LRBA: variants seen among roughly 807,000 people sequenced by gnomAD.
LRBA encodes lipopolysaccharide-responsive and beige-like anchor protein.
A neutral mutation model predicts 330.0 loss-of-function variants in LRBA; 176 were observed. That is an observed-to-expected ratio of 0.53 (90% CI 0.47 to 0.60). The LOEUF (loss-of-function observed/expected upper bound fraction) is 0.60. Ranked by LOEUF, LRBA falls within the 20% of genes least tolerant of loss-of-function variation. LRBA has a pLI of 0.00. For synonymous variants in LRBA, 1,230 were observed against 1,193.0 expected (o/e 1.03, Z -0.64); for missense variants, 3,259 against 3,444.8 (o/e 0.95, Z 1.35).
At chr4:150,814,652 T>C (rs1286602434) in intron 31 of LRBA, among the ~76,000 whole-genome samples, 1 of 147,014 alleles carries the variant, frequency 6.8e-6, no homozygotes, top group Non-Finnish European at 1.5e-5. Context: ...TGGGGGGGGC[T>C]AAGGAGGGGA....
At position 150,503,732 on chromosome 4, in the gene LRBA, G is replaced by C. The variant is rs1458629248; in HGVS notation, c.6331-12697C>G. Among the ~76,000 whole-genome samples, 4 of 152,192 alleles carry C rather than the reference G, an allele frequency of 2.6e-5. No individual in the cohort carries two copies. The East Asian group carries it at 7.7e-4, about 29-fold the overall frequency. ...AGCTCCTCACGAGCAACGGAACAAA[G>C]CTGGACGGAGAATGACTTTGACGAG... On this transcript the variant is annotated intron_variant, in intron 40 of 56. Coordinates refer to ENST00000651943, the MANE Select transcript of LRBA (RefSeq NM_001364905.1).
At position 150,325,870 on chromosome 4, in the gene LRBA, C is replaced by T. The variant is rs760853936; in HGVS notation, c.7391G>A (p.Gly2464Glu). The T allele has an allele frequency of 6.2e-7, 1 of 1,613,164 alleles. No homozygotes were observed. The highest frequency in any genetic ancestry group is 1.3e-5 in the African/African-American group (1 of 74,878). ...TATGAGTAGTTGAGAAGGAGTCTGT[C>T]CAAAACTTCGGATTTGAGCTTCAAC... is the stretch of plus-strand genomic sequence containing the variant. ...EAVEAQIRSF[G>E]QTPSQLLIEP... is the part of the protein sequence containing the mutation. The change falls in exon 49 of 57, where the codon GGA (glycine) becomes GAA (glutamate). Residue 2464 changes from glycine to glutamate, a missense_variant. Transcript: ENST00000651943.
intron 48 of LRBA, among the ~76,000 whole-genome samples, chr4:150,333,160 C>T (rs1037945049): frequency 2.0e-5 from 3 of 152,092 alleles, no homozygotes; most frequent in African/African-American, 7.2e-5. Context: ...TCTCTCTGAC[C>T]TAGGCTTTTT....
chr4:150,965,548 A>G (rs1379248433), intron 2 of LRBA, among the ~76,000 whole-genome samples: 1 of 151,942 alleles, frequency 6.6e-6, no homozygotes, highest in African/African-American at 2.4e-5. Flanking sequence ...CTACCTATCT[A>G]TTTATTTGAG....
intron 2 of LRBA, 136 bp from the exon 3 acceptor site, chr4:150,929,201 G>A (rs1359795263): frequency 3.5e-6 from 2 of 569,604 alleles, no homozygotes; most frequent in South Asian, 3.2e-5. Context: ...AAAACATGCA[G>A]CTCAAAAAAC....
At chr4:150,951,553 T>C (rs182382663) in intron 2 of LRBA, among the ~76,000 whole-genome samples, 2 of 152,280 alleles carry the variant, frequency 1.3e-5, no homozygotes, top group East Asian at 3.9e-4. Context: ...TGACAAATCT[T>C]ACAACTTGGC....
intron 2 of LRBA, among the ~76,000 whole-genome samples, chr4:150,964,595 G>A (rs963514956): frequency 7.9e-5 from 12 of 151,664 alleles, no homozygotes; most frequent in Non-Finnish European, 1.3e-4. Context: ...GGTGCAAGAT[G>A]TGCTTTGTTA....
At chr4:150,417,957 C>T (rs1439702545) in intron 46 of LRBA, among the ~76,000 whole-genome samples, 1 of 151,192 alleles carries the variant, frequency 6.6e-6, no homozygotes, top group Non-Finnish European at 1.5e-5. Flanking sequence ...GGTTACTCAA[C>T]AAATTGACAA....
chr4:150,610,344 C>T (rs920878804), intron 37 of LRBA, among the ~76,000 whole-genome samples: 2 of 152,126 alleles, frequency 1.3e-5, no homozygotes, highest in African/African-American at 2.4e-5. Flanking sequence ...AATCCCAGCA[C>T]TTTGGGAGGC....
intron 35 of LRBA, among the ~76,000 whole-genome samples, chr4:150,758,116 C>T (rs545875863): frequency 6.6e-5 from 10 of 152,144 alleles, no homozygotes; most frequent in Non-Finnish European, 1.2e-4. Flanking sequence ...CAGAATAATA[C>T]AGGTCCAGTA....
At chr4:150,401,114 C>T (rs1043474596) in intron 47 of LRBA, among the ~76,000 whole-genome samples, 5 of 152,174 alleles carry the variant, frequency 3.3e-5, no homozygotes, top group Non-Finnish European at 5.9e-5. Context: ...GGGAGAACAC[C>T]TTGTGAAGAC....
At chr4:150,700,237 T>G (rs1380502950) in intron 36 of LRBA, among the ~76,000 whole-genome samples, 4 of 152,144 alleles carry the variant, frequency 2.6e-5, no homozygotes, top group East Asian at 3.8e-4. Flanking sequence ...AATTTATATT[T>G]GTATATATAG....
At chr4:150,345,036 T>A (rs1481332457) in intron 48 of LRBA, among the ~76,000 whole-genome samples, 4 of 152,224 alleles carry the variant, frequency 2.6e-5, no homozygotes, top group African/African-American at 7.2e-5. Context: ...CTCTACCCAA[T>A]GATCTTATTC....
intron 2 of LRBA, among the ~76,000 whole-genome samples, chr4:150,998,809 G>C (rs77493818): frequency 0.018 from 2,750 of 151,898 alleles, 65 homozygotes; most frequent in African/African-American, 0.062. Flanking sequence ...TAAGCATTTG[G>C]GAAAGAAGAA....
intron 40 of LRBA, among the ~76,000 whole-genome samples, chr4:150,569,409 C>G (rs1225872571): frequency 6.6e-6 from 1 of 152,074 alleles, no homozygotes; most frequent in African/African-American, 2.4e-5. Flanking sequence ...TTTACATTGT[C>G]CAAACAAAAG....
intron 37 of LRBA, among the ~76,000 whole-genome samples, chr4:150,630,767 T>C (rs1777297342): frequency 6.6e-6 from 1 of 152,084 alleles, no homozygotes; most frequent in Non-Finnish European, 1.5e-5. Context: ...TATTTGAAAA[T>C]AAACACATAA....
chr4:150,421,981 G>C (rs548798896), intron 46 of LRBA, among the ~76,000 whole-genome samples: 1 of 152,182 alleles, frequency 6.6e-6, no homozygotes, highest in Non-Finnish European at 1.5e-5. Context: ...GAGCTGGCTG[G>C]GTGCACTGGC....
chr4:150,308,835 A>G (rs1227560107), intron 52 of LRBA, among the ~76,000 whole-genome samples: 5 of 152,236 alleles, frequency 3.3e-5, no homozygotes, highest in Non-Finnish European at 5.9e-5. Flanking sequence ...GCTATGTGTT[A>G]TTACAAGAAT....
chr4:150,561,346 C>T (rs1581681771), intron 40 of LRBA, among the ~76,000 whole-genome samples: 1 of 152,150 alleles, frequency 6.6e-6, no homozygotes, highest in Non-Finnish European at 1.5e-5. Context: ...AAGATGTCCA[C>T]ATTCTATTCC....
Sources: gnomAD v4.1 joint callset for allele counts (sites outside exome capture counted in the v4.1 genomes callset) on GRCh38, gnomAD v4.1.1 for gene constraint, MANE v1.5 for transcripts, NCBI Gene and HGNC (gene_info 2026-07-23, HGNC 2026-07-21) for gene names.